Variants in NXPE2 observed in about 807,000 individuals in gnomAD.
NXPE2 encodes neurexophilin and PC-esterase domain family member 2.
In NXPE2, 34 loss-of-function variants were observed where a neutral mutation model predicts 34.4. The ratio of observed to expected loss-of-function variants is 0.99; its 90% CI spans 0.75 to 1.31. The LOEUF is 1.31. Ranked by LOEUF, NXPE2 falls within the 40% of genes most tolerant of loss-of-function variation. The probability of loss-of-function intolerance (pLI) is 0.00; values close to 1 mark genes in which losing one functional copy is unlikely to be tolerated. For synonymous variants in NXPE2, 235 were observed against 231.3 expected, an observed-to-expected ratio of 1.02 and a Z score of -0.15; for missense variants, 649 against 672.5, an observed-to-expected ratio of 0.97 and a Z score of 0.39.
the NXPE2 span, among the ~76,000 whole-genome samples, chr11:114,775,008 T>C: frequency 6.6e-6 from 1 of 152,258 alleles, no homozygotes; most frequent in Admixed American, 6.5e-5. Flanking sequence ...TATGAAATTA[T>C]AGTAAGTCCT....
At chr11:114,813,483 T>C in the NXPE2 span, among the ~76,000 whole-genome samples, 1 of 152,224 alleles carries the variant, frequency 6.6e-6, no homozygotes, top group Admixed American at 6.5e-5. Context: ...CAAGACTCCA[T>C]ACTGTGGGCT....
chr11:114,725,994 A>AT, the NXPE2 span, among the ~76,000 whole-genome samples: 50 of 87,710 alleles, frequency 5.7e-4, 1 homozygote, highest in Non-Finnish European at 1.0e-3. Context: ...TATATATATA[A>AT]AAAGAAAAAG....
At chr11:114,760,191 G>A in the NXPE2 span, among the ~76,000 whole-genome samples, 1 of 152,190 alleles carries the variant, frequency 6.6e-6, no homozygotes, top group Non-Finnish European at 1.5e-5. Flanking sequence ...ATTTGGTCAT[G>A]AGGGCAGAGC....
the NXPE2 span, among the ~76,000 whole-genome samples, chr11:114,810,557 C>T: frequency 5.3e-5 from 8 of 152,156 alleles, no homozygotes; most frequent in Non-Finnish European, 8.8e-5. Flanking sequence ...TAAAAGAAGA[C>T]ATTTATGCAG....
At chr11:114,710,396 A>G (rs117393687), downstream of NXPE2, among the ~76,000 whole-genome samples, 1,260 of 152,294 alleles carry the variant, frequency 8.3e-3, 11 homozygotes, top group Non-Finnish European at 0.013. Context: ...TAAAATTATA[A>G]ATGGGCAATG....
the NXPE2 span, among the ~76,000 whole-genome samples, chr11:114,578,311 A>C: frequency 6.6e-6 from 1 of 152,202 alleles, no homozygotes; most frequent in African/African-American, 2.4e-5. Flanking sequence ...CATAGAATTT[A>C]ACTTTTAACA....
the NXPE2 span, among the ~76,000 whole-genome samples, chr11:114,480,651 C>T: frequency 6.6e-6 from 1 of 152,170 alleles, no homozygotes; most frequent in South Asian, 2.1e-4. Context: ...AGCTAATTGA[C>T]TTAAGCTTTT....
At chr11:114,739,375 A>C in the NXPE2 span, among the ~76,000 whole-genome samples, 55,884 of 74,410 alleles carry the variant, frequency 0.75, 18,993 homozygotes, top group Middle Eastern at 0.81. Flanking sequence ...TCCCTCCCTC[A>C]CTCACTCCTT....
chr11:114,762,240 T>C, the NXPE2 span, among the ~76,000 whole-genome samples: 1 of 152,110 alleles, frequency 6.6e-6, no homozygotes, highest in Non-Finnish European at 1.5e-5. Flanking sequence ...ATGGGGTACC[T>C]ATGCATGCTT....
chr11:114,787,208 G>A, the NXPE2 span, among the ~76,000 whole-genome samples: 2 of 152,142 alleles, frequency 1.3e-5, no homozygotes, highest in East Asian at 3.9e-4. Flanking sequence ...GAAAGGGAAA[G>A]TGGGGAAAAA....
At chr11:114,707,292 T>C (rs1296542689), downstream of NXPE2, 3 of 290,990 alleles carry the variant, frequency 1.0e-5, no homozygotes, top group Non-Finnish European at 2.0e-5. Flanking sequence ...GGGGTTTCAC[T>C]ATCTGGTTGG....
chr11:114,619,835 C>G, the NXPE2 span, among the ~76,000 whole-genome samples: 1 of 151,914 alleles, frequency 6.6e-6, no homozygotes, highest in Non-Finnish European at 1.5e-5. Context: ...AGTGTTGCCT[C>G]GTTGGTAACC....
At chr11:114,515,548 CT>C in the NXPE2 span, among the ~76,000 whole-genome samples, 1 of 152,032 alleles carries the variant, frequency 6.6e-6, no homozygotes, top group African/African-American at 2.4e-5. Flanking sequence ...CTGTAGGGCC[CT>C]GGTTGGGAAG....
At chr11:114,616,286 C>T in the NXPE2 span, among the ~76,000 whole-genome samples, 1 of 151,366 alleles carries the variant, frequency 6.6e-6, no homozygotes, top group Non-Finnish European at 1.5e-5. Flanking sequence ...TGGGTAGCCA[C>T]TGTAAGCCCC....
chr11:114,687,877 TA>T (rs1166539968), intron 2 of NXPE2, among the ~76,000 whole-genome samples: 3 of 151,992 alleles, frequency 2.0e-5, no homozygotes, highest in Admixed American at 2.0e-4. Context: ...GGATTCTTAA[TA>T]GTTTCTCAGC....
the NXPE2 span, among the ~76,000 whole-genome samples, chr11:114,491,864 A>G: frequency 6.6e-6 from 1 of 152,230 alleles, no homozygotes; most frequent in Non-Finnish European, 1.5e-5. Context: ...TTGTAGGGAC[A>G]TGGATGAAGC....
At chr11:114,547,308 G>A in the NXPE2 span, among the ~76,000 whole-genome samples, 1 of 152,172 alleles carries the variant, frequency 6.6e-6, no homozygotes, top group Admixed American at 6.6e-5. Context: ...CTAAACCCAT[G>A]AATTCTGTTT....
the NXPE2 span, among the ~76,000 whole-genome samples, chr11:114,715,334 A>G: frequency 6.6e-6 from 1 of 152,224 alleles, no homozygotes; most frequent in African/African-American, 2.4e-5. Context: ...ATTTTGTTCT[A>G]TGTAATTGCG....
At chr11:114,500,218 A>ATC in the NXPE2 span, among the ~76,000 whole-genome samples, 19 of 152,106 alleles carry the variant, frequency 1.2e-4, no homozygotes, top group Admixed American at 1.1e-3. Flanking sequence ...CCATATATAT[A>ATC]TTCCATACAG....
Sources: allele counts gnomAD v4.1 joint callset (sites outside exome capture counted in the v4.1 genomes callset), GRCh38; gene constraint gnomAD v4.1.1; transcripts MANE v1.5; gene names NCBI Gene and HGNC (gene_info 2026-07-23, HGNC 2026-07-21).